Variants in ADAMTS12 observed in about 807,000 individuals in gnomAD.
ADAMTS12 encodes A disintegrin and metalloproteinase with thrombospondin motifs 12.
ADAMTS12 carries 118 observed loss-of-function variants against 167.8 expected under a neutral mutation model. The observed-to-expected ratio is 0.70, with a 90% CI of 0.61 to 0.82. The LOEUF (loss-of-function observed/expected upper bound fraction) is 0.82. Ranked by LOEUF, ADAMTS12 falls within the 40% of genes least tolerant of loss-of-function variation. ADAMTS12 has a pLI of 0.00. For missense variants in ADAMTS12, 1,916 were observed against 1,998.8 expected (o/e 0.96, Z 0.79); for synonymous variants, 704 against 716.9 (o/e 0.98, Z 0.29).
rs547853068 is a variant in ADAMTS12, at chr5:33,671,984, T to TAC, written c.916-9946_916-9945dup. Among the ~76,000 whole-genome samples, 650 of 120,778 alleles carry TAC rather than the reference T, an allele frequency of 5.4e-3. 4 individuals carry two copies. The highest frequency in any genetic ancestry group is 0.02 in the African/African-American group (613 of 30,942). 79.2% of individuals were successfully genotyped at this position (120,778 alleles called of 152,430 possible). A position where few individuals can be genotyped will look rare whatever the true frequency, so the allele number is the denominator to read the frequency against. On this transcript the variant is annotated intron_variant, in intron 5 of 23. Coordinates refer to ENST00000504830, the MANE Select transcript of ADAMTS12 (RefSeq NM_030955.4). ...TACACATCAAACTCACATACTCACA[T>TAC]ACACACACACCCATATACTCACATA...
chr5:33,760,920 T>TGTGC (rs1323504319), intron 2 of ADAMTS12, among the ~76,000 whole-genome samples: 2,829 of 146,254 alleles, frequency 0.019, 83 homozygotes, highest in African/African-American at 0.062. Flanking sequence ...TGTGTGTGTG[T>TGTGC]GCGTATGCGC....
chr5:33,595,871 C>A, intron 17 of ADAMTS12, 63 bp downstream of exon 17: 1 of 1,593,864 alleles, frequency 6.3e-7, no homozygotes, highest in South Asian at 1.1e-5. Context: ...AGCACTAGGT[C>A]ACTCTTGAGT....
intron 3 of ADAMTS12, among the ~76,000 whole-genome samples, chr5:33,719,683 C>T (rs1743741912): frequency 6.6e-6 from 1 of 152,200 alleles, no homozygotes; most frequent in Admixed American, 6.5e-5. Flanking sequence ...ATCCATAGGA[C>T]AACTCAACTC....
intron 2 of ADAMTS12, among the ~76,000 whole-genome samples, chr5:33,852,206 G>GA (rs988541018): frequency 2.0e-5 from 3 of 150,668 alleles, no homozygotes; most frequent in South Asian, 2.1e-4. Context: ...TTGGTAAACA[G>GA]AAAAAAAAAG....
In ADAMTS12 at chr5:33,546,199, A is replaced by C; in HGVS notation, c.4306T>G (p.Ser1436Ala). 6.2e-7 allele frequency: 1 copy of C among 1,611,844 alleles called. No individual in the cohort carries two copies. The highest frequency in any genetic ancestry group is 8.5e-7 in the Non-Finnish European group (1 of 1,179,230). ...AWQVEPWSQCSRSCGGGVQER... is the reference protein window; with the variant it reads ...AWQVEPWSQCARSCGGGVQER... The stretch of plus-strand genomic sequence containing the variant: ...TGAACTCCACCTCCACAGGACCTGG[A>C]GCACTGATACACAGCAGTGACAAGA... Residue 1436 changes from serine (S) to alanine (A), a missense_variant, in exon 22 of 24, where the codon TCC becomes GCC. Transcript: ENST00000504830.
chr5:33,640,450 A>G (rs556302389), intron 11 of ADAMTS12, among the ~76,000 whole-genome samples: 1 of 152,346 alleles, frequency 6.6e-6, no homozygotes, highest in African/African-American at 2.4e-5. Context: ...AGCATTGACA[A>G]TAAGTCCCAG....
At position 33,557,489 on chromosome 5, in the gene ADAMTS12, T is replaced by G. The variant is rs1008196638; in HGVS notation, c.4125+3538A>C. On this transcript the variant is annotated intron_variant, in intron 20 of 23. Transcript: ENST00000504830. ...CTTTCTTAGCACATGATTTGGACTT[T>G]AGACATCCATATGAAAAAGGGGTCT... Among the ~76,000 whole-genome samples the G allele has an allele frequency of 9.2e-5, 14 of 152,230 alleles. No homozygotes were observed. The South Asian group carries it at 2.1e-3, about 23-fold the overall frequency.
chr5:33,608,951 G>A (rs969471308), intron 16 of ADAMTS12, among the ~76,000 whole-genome samples: 1 of 152,156 alleles, frequency 6.6e-6, no homozygotes, highest in African/African-American at 2.4e-5. Flanking sequence ...GGGGTGGGAT[G>A]AGAGCATTCA....
At chr5:33,573,424 A>T (rs1289564652) in intron 19 of ADAMTS12, among the ~76,000 whole-genome samples, 3 of 152,218 alleles carry the variant, frequency 2.0e-5, no homozygotes, top group African/African-American at 7.2e-5. Flanking sequence ...GGAACAGAAC[A>T]GAGCCCTCAG....
intron 3 of ADAMTS12, among the ~76,000 whole-genome samples, chr5:33,714,682 G>A (rs1041582569): frequency 2.6e-5 from 4 of 152,070 alleles, no homozygotes; most frequent in Admixed American, 6.6e-5. Context: ...ATTATGTTAA[G>A]TGAAATAATC....
chr5:33,824,014 T>G (rs979681990), intron 2 of ADAMTS12, among the ~76,000 whole-genome samples: 2 of 152,226 alleles, frequency 1.3e-5, no homozygotes, highest in African/African-American at 4.8e-5. Context: ...TGGTCAGTTA[T>G]ATACCCCAAT....
intron 3 of ADAMTS12, among the ~76,000 whole-genome samples, chr5:33,728,358 G>A (rs1744062250): frequency 6.6e-6 from 1 of 152,226 alleles, no homozygotes. Flanking sequence ...AAAACCTGGA[G>A]GAGTTGGCTT....
chr5:33,645,511 A>G (rs527249773), intron 9 of ADAMTS12, among the ~76,000 whole-genome samples: 2 of 152,272 alleles, frequency 1.3e-5, no homozygotes, highest in South Asian at 2.1e-4. Flanking sequence ...GAAAACCCAC[A>G]TAACCCTTTT....
At chr5:33,574,228 C>A (rs1042324708) in intron 19 of ADAMTS12, among the ~76,000 whole-genome samples, 2 of 151,832 alleles carry the variant, frequency 1.3e-5, no homozygotes, top group Non-Finnish European at 2.9e-5. Flanking sequence ...ACCATTTGAC[C>A]CAGCAATCCC....
chr5:33,570,862 C>A (rs1355292703), intron 19 of ADAMTS12, among the ~76,000 whole-genome samples: 2 of 150,890 alleles, frequency 1.3e-5, no homozygotes, highest in Non-Finnish European at 2.9e-5. Flanking sequence ...ATCTCACGTG[C>A]AGAGACACAC....
chr5:33,835,907 A>ATCTCTCTCTCTCTCTCTC (rs60393220), intron 2 of ADAMTS12, among the ~76,000 whole-genome samples: 5 of 111,860 alleles, frequency 4.5e-5, no homozygotes, highest in South Asian at 3.1e-4. Flanking sequence ...GATAATATCC[A>ATCTCTCTCTCTCTCTCTC]TCTCTCTCTC....
intron 3 of ADAMTS12, among the ~76,000 whole-genome samples, chr5:33,719,348 G>A (rs1044570608): frequency 7.2e-5 from 11 of 152,142 alleles, no homozygotes; most frequent in Non-Finnish European, 1.3e-4. Context: ...TTTAGAAGAA[G>A]GAATAAGAAG....
At chr5:33,535,673 G>A (rs1336753133) in intron 22 of ADAMTS12, among the ~76,000 whole-genome samples, 1 of 152,128 alleles carries the variant, frequency 6.6e-6, no homozygotes, top group African/African-American at 2.4e-5. Context: ...GAGGGAGGTT[G>A]AATTGCAAGC....
At chr5:33,843,923 G>A (rs532520037) in intron 2 of ADAMTS12, among the ~76,000 whole-genome samples, 12 of 152,206 alleles carry the variant, frequency 7.9e-5, no homozygotes, top group Non-Finnish European at 1.3e-4. Context: ...GACCCCAAAC[G>A]GAGGGACTGG....
Sources: allele counts gnomAD v4.1 joint callset (sites outside exome capture counted in the v4.1 genomes callset), GRCh38; gene constraint gnomAD v4.1.1; transcripts MANE v1.5; gene names NCBI Gene and HGNC (gene_info 2026-07-23, HGNC 2026-07-21).